The following LOC128125817 variants were observed in gnomAD, a reference collection of about 807,000 sequenced individuals.
chr1:41,605,412 T>C, the LOC128125817 span, among the ~76,000 whole-genome samples: 2 of 150,626 alleles, frequency 1.3e-5, no homozygotes, highest in Admixed American at 6.6e-5. Context: ...CACACATACA[T>C]ATGTTAAAAA....
At chr1:41,597,537 T>G in the LOC128125817 span, among the ~76,000 whole-genome samples, 1 of 152,154 alleles carries the variant, frequency 6.6e-6, no homozygotes, top group Non-Finnish European at 1.5e-5. Context: ...GGTACTATTA[T>G]CATTCCCATT....
the LOC128125817 span, among the ~76,000 whole-genome samples, chr1:41,613,561 A>G: frequency 0.58 from 87,324 of 151,578 alleles, 25,259 homozygotes; most frequent in African/African-American, 0.6. Flanking sequence ...AATAGTTTGC[A>G]GAAGTCACTT....
chr1:41,596,283 A>ACTG, the LOC128125817 span, among the ~76,000 whole-genome samples: 1 of 152,230 alleles, frequency 6.6e-6, no homozygotes, highest in Non-Finnish European at 1.5e-5. Flanking sequence ...GCAAGGGCGC[A>ACTG]CTGCTGCTGC....
At chr1:41,627,527 C>T in the LOC128125817 span, among the ~76,000 whole-genome samples, 4 of 152,136 alleles carry the variant, frequency 2.6e-5, no homozygotes, top group Admixed American at 2.0e-4. Flanking sequence ...GCTGGTAGGC[C>T]CAAGCTGTCA....
the LOC128125817 span, among the ~76,000 whole-genome samples, chr1:41,614,483 C>G: frequency 6.6e-6 from 1 of 152,212 alleles, no homozygotes; most frequent in Non-Finnish European, 1.5e-5. Flanking sequence ...GCTTCAGTTC[C>G]TCGTAGGAAG....
chr1:41,604,367 AG>A, the LOC128125817 span, among the ~76,000 whole-genome samples: 2 of 152,256 alleles, frequency 1.3e-5, no homozygotes, highest in Admixed American at 1.3e-4. Context: ...GTACTGCTAC[AG>A]ACAAAAATAT....
the LOC128125817 span, among the ~76,000 whole-genome samples, chr1:41,590,779 C>G: frequency 1.3e-5 from 2 of 152,160 alleles, no homozygotes; most frequent in South Asian, 4.1e-4. Flanking sequence ...GGGTTTAGTT[C>G]TAAAGCACAA....
chr1:41,610,089 C>T, the LOC128125817 span, among the ~76,000 whole-genome samples: 1 of 152,358 alleles, frequency 6.6e-6, no homozygotes, highest in Non-Finnish European at 1.5e-5. Context: ...CTCCAGCCTG[C>T]TGGCCCATCC....
At chr1:41,590,915 T>A in the LOC128125817 span, among the ~76,000 whole-genome samples, 15 of 152,250 alleles carry the variant, frequency 9.9e-5, no homozygotes, top group East Asian at 2.9e-3. Flanking sequence ...CTCCTCCACC[T>A]CCTAACTGAT....
At chr1:41,628,504 G>A in the LOC128125817 span, among the ~76,000 whole-genome samples, 1 of 152,182 alleles carries the variant, frequency 6.6e-6, no homozygotes, top group Non-Finnish European at 1.5e-5. Context: ...CTGGGAGGGG[G>A]CGGACTGCAT....
the LOC128125817 span, among the ~76,000 whole-genome samples, chr1:41,608,326 C>T: frequency 5.3e-3 from 812 of 152,304 alleles, 5 homozygotes; most frequent in African/African-American, 0.018. Flanking sequence ...CTATACTTCA[C>T]CCTGAGACGG....
the LOC128125817 span, among the ~76,000 whole-genome samples, chr1:41,589,997 A>T: frequency 2.0e-5 from 3 of 152,232 alleles, no homozygotes; most frequent in Non-Finnish European, 4.4e-5. Context: ...TTATTTAATG[A>T]CCTAGCAACA....
chr1:41,615,093 A>C, the LOC128125817 span, among the ~76,000 whole-genome samples: 1 of 152,208 alleles, frequency 6.6e-6, no homozygotes, highest in Non-Finnish European at 1.5e-5. Context: ...TTTTCTCAGA[A>C]ATAATGCCAT....
the LOC128125817 span, among the ~76,000 whole-genome samples, chr1:41,613,094 C>T: frequency 2.0e-5 from 3 of 152,352 alleles, no homozygotes; most frequent in African/African-American, 7.2e-5. Flanking sequence ...GAGCACTGGG[C>T]GCGGAGTCAG....
the LOC128125817 span, among the ~76,000 whole-genome samples, chr1:41,590,412 T>C: frequency 1.3e-5 from 2 of 152,230 alleles, no homozygotes; most frequent in African/African-American, 4.8e-5. Context: ...CAATGATGTA[T>C]GCAACTTCTA....
the LOC128125817 span, among the ~76,000 whole-genome samples, chr1:41,606,829 A>G: frequency 6.7e-6 from 1 of 150,174 alleles, no homozygotes; most frequent in Non-Finnish European, 1.5e-5. Flanking sequence ...CTGGTGAGAA[A>G]TTCTGAGGTA....
the LOC128125817 span, among the ~76,000 whole-genome samples, chr1:41,600,315 C>T: frequency 5.3e-5 from 8 of 152,266 alleles, no homozygotes; most frequent in African/African-American, 1.9e-4. Flanking sequence ...GGAAGCAATC[C>T]AAATGTCCAT....
At chr1:41,622,208 G>A in the LOC128125817 span, among the ~76,000 whole-genome samples, 1 of 152,222 alleles carries the variant, frequency 6.6e-6, no homozygotes, top group Admixed American at 6.5e-5. Context: ...CTCTCATGGA[G>A]AGACAGATGG....
the LOC128125817 span, among the ~76,000 whole-genome samples, chr1:41,612,588 C>T: frequency 5.9e-5 from 9 of 152,218 alleles, no homozygotes; most frequent in African/African-American, 2.2e-4. Flanking sequence ...GGATCCACAG[C>T]TCAGGACTCT....
Sources: gnomAD v4.1 joint callset for allele counts (sites outside exome capture counted in the v4.1 genomes callset) on GRCh38, gnomAD v4.1.1 for gene constraint, MANE v1.5 for transcripts.